Variants in GPR21 observed in about 807,000 individuals in gnomAD.
GPR21 encodes probable G protein-coupled receptor 21.
A neutral mutation model predicts 21.5 loss-of-function variants in GPR21; 9 were observed. The observed-to-expected ratio is 0.42, with a 90% confidence interval of 0.25 to 0.73. The LOEUF (loss-of-function observed/expected upper bound fraction) is 0.73. Among genes scored for constraint, GPR21 ranks in the 30% least tolerant of loss-of-function variants. The pLI is 0.27. For missense variants in GPR21, 416 were observed against 428.9 expected (o/e 0.97, Z 0.27); for synonymous variants, 169 against 159.3 (o/e 1.06, Z -0.46).
chr9:123,048,000 G>A, the GPR21 span, among the ~76,000 whole-genome samples: 1 of 135,032 alleles, frequency 7.4e-6, no homozygotes, highest in Non-Finnish European at 1.5e-5. Flanking sequence ...GTGCAATGGC[G>A]CGATCTCGGC....
chr9:123,036,734 G>A (rs1234263423), downstream of GPR21, among the ~76,000 whole-genome samples: 1 of 151,860 alleles, frequency 6.6e-6, no homozygotes, highest in Non-Finnish European at 1.5e-5. Context: ...CACATTTGAA[G>A]AGGAGAAGGG....
the GPR21 span, among the ~76,000 whole-genome samples, chr9:123,046,956 C>T: frequency 6.6e-6 from 1 of 152,138 alleles, no homozygotes. Flanking sequence ...AGAATAGTGA[C>T]AGAGTTAATT....
chr9:123,042,342 G>C, the GPR21 span, among the ~76,000 whole-genome samples: 1 of 152,146 alleles, frequency 6.6e-6, no homozygotes, highest in South Asian at 2.1e-4. Flanking sequence ...CAGACAGCCA[G>C]AGATAATTGC....
At chr9:123,038,335 T>C (rs1400060910), downstream of GPR21, among the ~76,000 whole-genome samples, 1 of 152,210 alleles carries the variant, frequency 6.6e-6, no homozygotes, top group African/African-American at 2.4e-5. Flanking sequence ...ACTTGAATAA[T>C]GGTCTCAGTA....
At chr9:123,046,203 G>T in the GPR21 span, among the ~76,000 whole-genome samples, 1 of 152,146 alleles carries the variant, frequency 6.6e-6, no homozygotes, top group African/African-American at 2.4e-5. Flanking sequence ...TACAATACTT[G>T]GATGTACTTC....
Position 123,035,315 on chromosome 9 carries a change from A to G in GPR21, c.749A>G (p.Tyr250Cys), listed in dbSNP as rs141203210. 45 of 1,614,078 alleles carry G rather than the reference A, an allele frequency of 2.8e-5. No individual in the cohort carries two copies. Among genetic ancestry groups the G allele is most frequent in the Non-Finnish European group, 3.6e-5 (43 of 1,180,038 alleles). The change falls in exon 2 of 2, where the codon TAT (tyrosine) becomes TGT (cysteine). Residue 250 changes from tyrosine (Y) to cysteine (C), a missense_variant. Transcript: ENST00000616002. ...GEVQACPDKRYAMVLFRITSV... is the reference protein window; with the variant it reads ...GEVQACPDKRCAMVLFRITSV... ...GTGCAGGCCTGTCCTGATAAGCGCTATGCCATGGTCCTGTTTCGAATCACT... is the reference window on the plus strand; with the variant it reads ...GTGCAGGCCTGTCCTGATAAGCGCTGTGCCATGGTCCTGTTTCGAATCACT...
chr9:123,036,466 G>T (rs1368222337), downstream of GPR21, among the ~76,000 whole-genome samples: 2 of 152,188 alleles, frequency 1.3e-5, no homozygotes, highest in Admixed American at 6.5e-5. Flanking sequence ...GTGATAGGCT[G>T]TTGGCTGTCC....
At chr9:123,040,185 T>G (rs138801291), downstream of GPR21, among the ~76,000 whole-genome samples, 44 of 152,328 alleles carry the variant, frequency 2.9e-4, no homozygotes, top group Admixed American at 9.2e-4. Context: ...AGCCTCACTG[T>G]TCTCTACTTT....
chr9:123,047,566 A>G, the GPR21 span, among the ~76,000 whole-genome samples: 172 of 152,268 alleles, frequency 1.1e-3, no homozygotes, highest in Admixed American at 2.3e-3. Context: ...ATAGCTTTAT[A>G]CTTCTAAAAT....
Position 123,035,344 on chromosome 9 carries a change from G to A in GPR21, c.778G>A (p.Val260Ile). The change falls in exon 2 of 2, where the codon GTA (valine) becomes ATA (isoleucine). Residue 260 changes from valine to isoleucine, a missense_variant. Val to Ile is a conservative substitution (Grantham distance 29). Transcript: ENST00000616002. ...YAMVLFRITSVFYILWLPYII... is the reference protein window; with the variant it reads ...YAMVLFRITSIFYILWLPYII... ...CATGGTCCTGTTTCGAATCACTAGT[G>A]TATTTTACATCCTCTGGTTGCCATA... 1.9e-6 allele frequency: 3 copies of A among 1,614,138 alleles called. No individual in the cohort carries two copies. Among genetic ancestry groups the A allele is most frequent in the Non-Finnish European group, 2.5e-6 (3 of 1,180,020 alleles).
Position 123,034,612 on chromosome 9 carries a change from C to T in GPR21, c.46C>T (p.Leu16Phe). 6.2e-7 allele frequency: 1 copy of T among 1,610,854 alleles called. No homozygotes were observed. ...DGNQSSHPFCLLAFGYLETVN... is the reference protein window; with the variant it reads ...DGNQSSHPFCFLAFGYLETVN... ...TAATCAGAGCAGCCACCCTTTTTGC[C>T]TCTTGGCATTTGGCTATTTGGAAAC... The change falls in exon 2 of 2, where the codon CTC becomes TTC. Residue 16 changes from leucine to phenylalanine, a missense_variant. Coordinates refer to ENST00000616002, the MANE Select transcript of GPR21 (RefSeq NM_005294.3).
downstream of GPR21, among the ~76,000 whole-genome samples, chr9:123,035,870 T>C (rs1180154194): frequency 6.6e-6 from 1 of 152,200 alleles, no homozygotes; most frequent in Non-Finnish European, 1.5e-5. Flanking sequence ...ATTTTTGAAA[T>C]GTCTTGGAAA....
the GPR21 span, among the ~76,000 whole-genome samples, chr9:123,046,748 T>A: frequency 6.6e-6 from 1 of 152,178 alleles, no homozygotes; most frequent in Non-Finnish European, 1.5e-5. Flanking sequence ...GAGAATAAAT[T>A]CAGAAAGATA....
In GPR21 at chr9:123,034,704, C is replaced by T; in HGVS notation, c.138C>T (p.Asn46=). The change falls in exon 2 of 2, where the codon AAC becomes AAT. Residue 46 remains asparagine (N), a synonymous_variant. Coordinates refer to ENST00000616002, the MANE Select transcript of GPR21 (RefSeq NM_005294.3). ...VFLTVLIISG[N]IIVIFVFHCA... is the part of the protein sequence containing the mutation. ...TAACTGTATTGATTATTTCTGGCAA[C>T]ATCATTGTGATTTTTGTATTTCACT... The T allele has an allele frequency of 6.2e-7, 1 of 1,613,404 alleles. No homozygotes were observed. Among genetic ancestry groups the T allele is most frequent in the East Asian group, 2.2e-5 (1 of 44,882 alleles).
chr9:123,035,688 T>C (rs1161354691), downstream of GPR21: 1 of 847,406 alleles, frequency 1.2e-6, no homozygotes, highest in Non-Finnish European at 1.8e-6. Flanking sequence ...GTGTGTATTT[T>C]ATCTCTAAGT....
At chr9:123,043,674 T>C in the GPR21 span, among the ~76,000 whole-genome samples, 1 of 151,924 alleles carries the variant, frequency 6.6e-6, no homozygotes, top group Non-Finnish European at 1.5e-5. Flanking sequence ...AGAGCTACAG[T>C]AGCATCTTCC....
chr9:123,042,854 A>T, the GPR21 span, among the ~76,000 whole-genome samples: 1 of 152,236 alleles, frequency 6.6e-6, no homozygotes, highest in Admixed American at 6.5e-5. Flanking sequence ...AAAGATTCAC[A>T]TGATGGCAAA....
the GPR21 span, among the ~76,000 whole-genome samples, chr9:123,047,980 C>T: frequency 1.7e-5 from 2 of 118,014 alleles, no homozygotes; most frequent in Non-Finnish European, 3.3e-5. Flanking sequence ...CTCTTGCTGC[C>T]CAGGCTGGAG....
the GPR21 span, among the ~76,000 whole-genome samples, chr9:123,048,984 T>C: frequency 6.6e-6 from 1 of 152,342 alleles, no homozygotes; most frequent in Non-Finnish European, 1.5e-5. Context: ...GCTAAAAGGC[T>C]GCATATCACA....
Sources: allele counts gnomAD v4.1 joint callset (sites outside exome capture counted in the v4.1 genomes callset), GRCh38; gene constraint gnomAD v4.1.1; transcripts MANE v1.5; gene names NCBI Gene and HGNC (gene_info 2026-07-23, HGNC 2026-07-21).